EFCAB13: variants seen among roughly 807,000 people sequenced by gnomAD.
EFCAB13 encodes the protein EF-hand calcium binding domain 13, also known as EF-hand calcium-binding domain-containing protein 13.
Under a neutral mutation model 110.2 loss-of-function variants are expected in EFCAB13, and 91 were observed. The observed-to-expected ratio is 0.83, with a 90% confidence interval of 0.70 to 0.98. The LOEUF (loss-of-function observed/expected upper bound fraction) is 0.98. Among genes scored for constraint, EFCAB13 ranks in the 50% least tolerant of loss-of-function variants. The probability of loss-of-function intolerance (pLI) is 0.00; values close to 1 mark genes in which losing one functional copy is unlikely to be tolerated. For missense variants in EFCAB13, 968 were observed against 1,119.4 expected (o/e 0.86, Z 1.93); for synonymous variants, 323 against 369.9 (o/e 0.87, Z 1.45).
chr17:47,331,458 G>A (rs934593484), intron 4 of EFCAB13, among the ~76,000 whole-genome samples: 1 of 151,834 alleles, frequency 6.6e-6, no homozygotes, highest in African/African-American at 2.4e-5. Flanking sequence ...TAAAAAAAAT[G>A]AGCAGAAAAT....
Position 47,429,807 on chromosome 17 carries a change from T to C in EFCAB13, c.2495-11T>C. The C allele has an allele frequency of 6.4e-7, 1 of 1,574,720 alleles. No homozygotes were observed. Among genetic ancestry groups the C allele is most frequent in the Non-Finnish European group, 8.7e-7 (1 of 1,154,642 alleles). On this transcript the variant is annotated splice_polypyrimidine_tract_variant and intron_variant, in intron 23 of 24. Transcript: ENST00000331493. ...GCTGTTGAAACATTTGCTTTTGCTC[T>C]CCTTTTGCAGCTACACAGATACTCT...
At chr17:47,368,162 C>A (rs1172890820) in intron 10 of EFCAB13, among the ~76,000 whole-genome samples, 1 of 152,126 alleles carries the variant, frequency 6.6e-6, no homozygotes, top group African/African-American at 2.4e-5. Flanking sequence ...AAAATATAAT[C>A]TTTTTTTCAG....
At chr17:47,433,245 G>A (rs766048340) in intron 24 of EFCAB13, among the ~76,000 whole-genome samples, 72 of 152,100 alleles carry the variant, frequency 4.7e-4, no homozygotes, top group Non-Finnish European at 9.0e-4. Flanking sequence ...TGAATACCCC[G>A]AAGGTAAAGT....
intron 16 of EFCAB13, among the ~76,000 whole-genome samples, chr17:47,394,594 C>A (rs958234654): frequency 6.6e-6 from 1 of 152,042 alleles, no homozygotes; most frequent in Admixed American, 6.6e-5. Flanking sequence ...CAGAAGTTCA[C>A]CATAAAGAAG....
chr17:47,429,388 C>T (rs2143516390), intron 23 of EFCAB13, among the ~76,000 whole-genome samples: 1 of 152,300 alleles, frequency 6.6e-6, no homozygotes, highest in Non-Finnish European at 1.5e-5. Context: ...TAAAGGTTGA[C>T]TACCTATATG....
intron 9 of EFCAB13, among the ~76,000 whole-genome samples, chr17:47,350,370 C>T (rs2065442631): frequency 6.6e-6 from 1 of 152,098 alleles, no homozygotes; most frequent in Non-Finnish European, 1.5e-5. Context: ...ATACTATTTT[C>T]ACCATGTCAT....
chr17:47,370,994 C>T (rs2065580342), intron 11 of EFCAB13, among the ~76,000 whole-genome samples: 1 of 151,044 alleles, frequency 6.6e-6, no homozygotes, highest in Admixed American at 6.6e-5. Context: ...CCTGCCTCAG[C>T]CTCCCAGAGT....
chr17:47,437,401 T>C (rs529617948), intron 24 of EFCAB13, among the ~76,000 whole-genome samples: 1 of 152,294 alleles, frequency 6.6e-6, no homozygotes, highest in African/African-American at 2.4e-5. Context: ...CCACCTCATT[T>C]CTTAGGTCTA....
chr17:47,420,706 C>A (rs1283313343), intron 23 of EFCAB13, among the ~76,000 whole-genome samples: 30 of 149,644 alleles, frequency 2.0e-4, no homozygotes, highest in African/African-American at 7.1e-4. Context: ...AGACCCTCCG[C>A]CCGGCAGCCG....
chr17:47,369,869 T>C (rs2065571696), intron 10 of EFCAB13: 1 of 153,414 alleles, frequency 6.5e-6, no homozygotes, highest in Non-Finnish European at 1.4e-5. Flanking sequence ...AAAATGGTCT[T>C]AGGCGGGCAG....
intron 20 of EFCAB13, 148 bp from the exon 21 acceptor site, chr17:47,409,499 G>A (rs563343586): frequency 3.1e-6 from 2 of 643,984 alleles, no homozygotes; most frequent in South Asian, 4.8e-5. Context: ...TGGGAGCCAG[G>A]GAACAACTTT....
Position 47,431,298 on chromosome 17 carries a change from ACT to A in EFCAB13, c.2638+1340_2638+1341del, listed in dbSNP as rs1905111719. On this transcript the variant is annotated intron_variant, in intron 24 of 24. Transcript: ENST00000331493. The surrounding 1 kb of genome is among the most constrained non-coding windows in gnomAD (Gnocchi z 4.1). ...TCTATTTTTTCTTTGTTTTTTTTTA[ACT>A]CTTTTTTTTCCTTTTTTCAGTCAGC... is the stretch of plus-strand genomic sequence containing the variant. 6.7e-6 allele frequency among the ~76,000 whole-genome samples: 1 copy of A among 149,684 alleles called. No individual in the cohort carries two copies. Among genetic ancestry groups the A allele is most frequent in the Non-Finnish European group, 1.5e-5 (1 of 67,344 alleles).
chr17:47,366,125 G>C (rs1300175187), intron 10 of EFCAB13, among the ~76,000 whole-genome samples: 1 of 152,116 alleles, frequency 6.6e-6, no homozygotes, highest in Non-Finnish European at 1.5e-5. Context: ...ATGATAGGTA[G>C]ATAATATGTT....
chr17:47,398,924 A>G (rs1320678357), intron 17 of EFCAB13, among the ~76,000 whole-genome samples: 2 of 152,176 alleles, frequency 1.3e-5, no homozygotes. Context: ...TATTGTGTTT[A>G]TTATTCTTTC....
intron 2 of EFCAB13, among the ~76,000 whole-genome samples, chr17:47,325,526 G>A (rs975006546): frequency 4.6e-5 from 7 of 152,134 alleles, no homozygotes; most frequent in African/African-American, 1.2e-4. Context: ...GGTCCTCCAT[G>A]ATATGCCACT....
At chr17:47,398,014 TG>T in intron 17 of EFCAB13, among the ~76,000 whole-genome samples, 1 of 101,714 alleles carries the variant, frequency 9.8e-6, no homozygotes, top group East Asian at 3.0e-4. Flanking sequence ...GGGAGGGAGG[TG>T]GGGGGATCAG....
intron 9 of EFCAB13, among the ~76,000 whole-genome samples, chr17:47,351,304 T>TGTGTGTGTGCGCGC (rs1280645583): frequency 1.6e-5 from 2 of 122,980 alleles, no homozygotes; most frequent in South Asian, 2.9e-4. Context: ...TGTGTGTGTG[T>TGTGTGTGTGCGCGC]GCGCGCGCGC....
At chr17:47,391,012 T>C (rs942715841) in intron 14 of EFCAB13, among the ~76,000 whole-genome samples, 3 of 152,128 alleles carry the variant, frequency 2.0e-5, no homozygotes, top group Non-Finnish European at 4.4e-5. Flanking sequence ...CTATCATAGC[T>C]CACCTCAGCC....
At chr17:47,410,723 G>T (rs1016282039) in intron 21 of EFCAB13, among the ~76,000 whole-genome samples, 1 of 152,204 alleles carries the variant, frequency 6.6e-6, no homozygotes, top group Non-Finnish European at 1.5e-5. Context: ...AGGGAGAAAT[G>T]AGTGAGAAGA....
Sources: gnomAD v4.1 joint callset for allele counts (sites outside exome capture counted in the v4.1 genomes callset) on GRCh38, gnomAD v4.1.1 for gene constraint, Gnocchi (gnomAD v3.1) non-coding constraint, MANE v1.5 for transcripts, NCBI Gene and HGNC (gene_info 2026-07-23, HGNC 2026-07-21) for gene names.